CGNL1: variants seen among roughly 807,000 people sequenced by gnomAD.
The protein encoded by CGNL1 is cingulin like 1.
A neutral mutation model predicts 141.2 loss-of-function variants in CGNL1; 132 were observed. The ratio of observed to expected loss-of-function variants is 0.93; its 90% CI spans 0.81 to 1.08. The LOEUF (loss-of-function observed/expected upper bound fraction) is 1.08. Among genes scored for constraint, CGNL1 ranks in the 50% least tolerant of loss-of-function variants. The pLI is 0.00. For synonymous variants in CGNL1, 690 were observed against 622.1 expected (o/e 1.11, Z -1.63); for missense variants, 1,870 against 1,588.6 (o/e 1.18, Z -3.01).
chr15:57,532,082 A>G (rs1381236418), intron 14 of CGNL1, among the ~76,000 whole-genome samples: 2 of 152,212 alleles, frequency 1.3e-5, no homozygotes, highest in Non-Finnish European at 2.9e-5. Flanking sequence ...ATGCTAGTCA[A>G]GAAAGAGTGA....
At chr15:57,442,802 A>T (rs1231018970) in intron 4 of CGNL1, among the ~76,000 whole-genome samples, 1 of 152,076 alleles carries the variant, frequency 6.6e-6, no homozygotes, top group Non-Finnish European at 1.5e-5. Context: ...TGTTTTTAGT[A>T]GGGTGAGGGT....
At chr15:57,535,165 G>A (rs1339935569) in intron 14 of CGNL1, among the ~76,000 whole-genome samples, 1 of 152,188 alleles carries the variant, frequency 6.6e-6, no homozygotes, top group Non-Finnish European at 1.5e-5. Context: ...ATTGACTGCA[G>A]AGCTGGGCTT....
chr15:57,458,505 C>T (rs1213033057), intron 7 of CGNL1, among the ~76,000 whole-genome samples: 4 of 152,184 alleles, frequency 2.6e-5, no homozygotes, highest in African/African-American at 7.2e-5. Context: ...TCTTGACATG[C>T]ATTGGCGGCA....
At chr15:57,527,256 TC>T (rs55676744) in intron 12 of CGNL1, 46,563 of 152,010 alleles carry the variant, frequency 0.31, 8,331 homozygotes, top group Non-Finnish European at 0.41. Flanking sequence ...TGCCCAGTGC[TC>T]CTGTCAGCCT....
intron 1 of CGNL1, among the ~76,000 whole-genome samples, chr15:57,385,006 T>C (rs1391740826): frequency 6.6e-6 from 1 of 152,218 alleles, no homozygotes; most frequent in Admixed American, 6.5e-5. Context: ...GAATCATTTT[T>C]TGCTTGTTTG....
intron 1 of CGNL1, among the ~76,000 whole-genome samples, chr15:57,431,894 T>C (rs2152297030): frequency 1.3e-5 from 2 of 152,290 alleles, no homozygotes; most frequent in Middle Eastern, 6.8e-3. Context: ...GGTAGTATCT[T>C]CTCTTTAAAT....
chr15:57,537,875 A>G (rs1227700592), intron 14 of CGNL1, among the ~76,000 whole-genome samples: 7 of 152,220 alleles, frequency 4.6e-5, no homozygotes, highest in African/African-American at 1.7e-4. Context: ...TGTTTGTGCT[A>G]TTTAATGTAG....
intron 8 of CGNL1, among the ~76,000 whole-genome samples, chr15:57,482,436 C>T (rs575142567): frequency 1.3e-5 from 2 of 152,280 alleles, no homozygotes; most frequent in South Asian, 4.1e-4. Context: ...TACATTTAAG[C>T]TCACAGTCCA....
Position 57,528,885 on chromosome 15 carries a change from T to A in CGNL1, c.3201+70T>A, listed in dbSNP as rs2031788266. ...AGGCTGGGCCACGAGAGAAGCAGCC[T>A]CTTTGCTCTCAGCTCAGCCTTTGGG... On this transcript the variant is annotated intron_variant, in intron 13 of 18. Coordinates refer to ENST00000281282, the MANE Select transcript of CGNL1 (RefSeq NM_032866.5). 6.0e-6 allele frequency: 9 copies of A among 1,509,464 alleles called. No homozygotes were observed. In the Admixed American group the frequency reaches 1.8e-4, roughly 30 times the overall value. 93.5% of individuals were successfully genotyped at this position (1,509,464 alleles called of 1,614,324 possible).
intron 1 of CGNL1, among the ~76,000 whole-genome samples, chr15:57,423,903 T>C (rs1382762967): frequency 6.6e-6 from 1 of 152,250 alleles, no homozygotes; most frequent in Non-Finnish European, 1.5e-5. Context: ...ATGCTGTTGC[T>C]GCGGGGCTGC....
intron 12 of CGNL1, among the ~76,000 whole-genome samples, chr15:57,528,108 T>C (rs983618849): frequency 6.6e-6 from 1 of 152,018 alleles, no homozygotes; most frequent in African/African-American, 2.4e-5. Flanking sequence ...AATACAAAAA[T>C]TAGCTCAGTG....
chr15:57,531,333 A>G (rs2031940932), intron 13 of CGNL1, among the ~76,000 whole-genome samples: 2 of 152,194 alleles, frequency 1.3e-5, no homozygotes, highest in Admixed American at 6.5e-5. Flanking sequence ...TTTAACAGGC[A>G]CTGGCTTGGG....
intron 14 of CGNL1, among the ~76,000 whole-genome samples, chr15:57,541,054 A>C (rs2032537267): frequency 6.6e-6 from 1 of 152,226 alleles, no homozygotes; most frequent in Admixed American, 6.5e-5. Context: ...TAGAGGAGGC[A>C]CCAGGTTGTG....
chr15:57,405,803 T>C (rs865912341), intron 1 of CGNL1, among the ~76,000 whole-genome samples: 36 of 125,474 alleles, frequency 2.9e-4, no homozygotes, highest in African/African-American at 1.1e-3. Flanking sequence ...TCTTTCTTTC[T>C]TTCTTTCCTT....
chr15:57,538,869 T>TTGCGAA (rs1285980132), intron 14 of CGNL1, among the ~76,000 whole-genome samples: 1 of 152,172 alleles, frequency 6.6e-6, no homozygotes, highest in East Asian at 1.9e-4. Flanking sequence ...TCCTACAGGT[T>TTGCGAA]TGCGAAGACA....
chr15:57,410,824 T>TA (rs1250106831), intron 1 of CGNL1, among the ~76,000 whole-genome samples: 11 of 152,168 alleles, frequency 7.2e-5, no homozygotes, highest in Admixed American at 3.3e-4. Flanking sequence ...TCTCTCTTGC[T>TA]AAAAAAATAA....
chr15:57,416,204 T>G (rs1183622465), intron 1 of CGNL1, among the ~76,000 whole-genome samples: 1 of 141,654 alleles, frequency 7.1e-6, no homozygotes, highest in Non-Finnish European at 1.6e-5. Context: ...AGTGTTTTTT[T>G]TTTTTTTTTT....
rs373512259 is a variant in CGNL1 at position 57,394,984 on chromosome 15, C to T, written c.-16+18417C>T. Reference sequence around the variant, plus strand: ...AAAATTAGCTGTGCATGGTGGCATACGCCTGTAGTCCCAGCTACCTGGGGG... The same window carrying T: ...AAAATTAGCTGTGCATGGTGGCATATGCCTGTAGTCCCAGCTACCTGGGGG... On this transcript the variant is annotated intron_variant, in intron 1 of 18. Coordinates refer to ENST00000281282, the MANE Select transcript of CGNL1 (RefSeq NM_032866.5). Among the ~76,000 whole-genome samples, 151 of 152,220 alleles carry T rather than the reference C, an allele frequency of 9.9e-4. 4 individuals carry two copies. The South Asian group carries it at 0.028, about 28-fold the overall frequency.
chr15:57,409,281 A>C (rs1281030393), intron 1 of CGNL1, among the ~76,000 whole-genome samples: 2 of 152,204 alleles, frequency 1.3e-5, no homozygotes, highest in African/African-American at 4.8e-5. Context: ...GAGTAGGTGC[A>C]GAGCCTGCGC....
Sources: gnomAD v4.1 joint callset for allele counts (sites outside exome capture counted in the v4.1 genomes callset) on GRCh38, gnomAD v4.1.1 for gene constraint, MANE v1.5 for transcripts, NCBI Gene and HGNC (gene_info 2026-07-23, HGNC 2026-07-21) for gene names.